DSCAM: variants seen among roughly 807,000 people sequenced by gnomAD.
The protein encoded by DSCAM is DS cell adhesion molecule.
In DSCAM, 47 loss-of-function variants were observed where a neutral mutation model predicts 217.7. The ratio of observed to expected loss-of-function variants is 0.22; its 90% CI spans 0.17 to 0.28. The LOEUF (loss-of-function observed/expected upper bound fraction) is 0.28. Ranked by LOEUF, DSCAM falls within the 10% of genes least tolerant of loss-of-function variation. DSCAM has a pLI of 1.00. For synonymous variants in DSCAM, 1,056 were observed against 1,015.3 expected (o/e 1.04, Z -0.76); for missense variants, 2,080 against 2,618.3 (o/e 0.79, Z 4.49).
chr21:40,095,484 G>A (rs748504681), intron 20 of DSCAM, among the ~76,000 whole-genome samples: 15 of 152,202 alleles, frequency 9.9e-5, no homozygotes, highest in Non-Finnish European at 1.9e-4. Context: ...CATTTAAAAT[G>A]TTCAGAATAG....
chr21:40,623,329 T>C (rs1329418105), intron 3 of DSCAM, among the ~76,000 whole-genome samples: 1 of 152,230 alleles, frequency 6.6e-6, no homozygotes, highest in Admixed American at 6.5e-5. Flanking sequence ...TTGTATGCTA[T>C]TTCCTGAGTG....
chr21:40,378,993 A>G (rs1370543125), intron 3 of DSCAM, among the ~76,000 whole-genome samples: 1 of 152,224 alleles, frequency 6.6e-6, no homozygotes, highest in East Asian at 1.9e-4. Flanking sequence ...AAAGACAGTA[A>G]GGTATATGTA....
intron 3 of DSCAM, among the ~76,000 whole-genome samples, chr21:40,452,526 A>G (rs942143153): frequency 3.9e-5 from 6 of 152,120 alleles, no homozygotes; most frequent in African/African-American, 1.4e-4. Flanking sequence ...TTACTCTAAT[A>G]ACTTATTAGC....
intron 4 of DSCAM, among the ~76,000 whole-genome samples, chr21:40,366,056 C>A (rs926270378): frequency 1.3e-5 from 2 of 152,142 alleles, no homozygotes. Flanking sequence ...TATTTTCTGG[C>A]TGTCTAAATG....
At position 40,257,379 on chromosome 21, in the gene DSCAM, G is replaced by GT. The variant is rs527576462; in HGVS notation, c.2356+18717dup. ...TTTATGTTTATTGTTGTATTTTTTT[G>GT]TTTTTTTTTCCCTGAATATTTTTTA... On this transcript the variant is annotated intron_variant, in intron 11 of 32. Transcript: ENST00000400454. Among the ~76,000 whole-genome samples, 701 of 148,018 alleles carry GT rather than the reference G, an allele frequency of 4.7e-3. 4 individuals are homozygous for GT. The highest frequency in any genetic ancestry group is 0.016 in the African/African-American group (645 of 40,178).
At chr21:40,096,889 C>T (rs1041530163) in intron 20 of DSCAM, among the ~76,000 whole-genome samples, 11 of 152,084 alleles carry the variant, frequency 7.2e-5, no homozygotes, top group Admixed American at 5.9e-4. Context: ...GGAATGATTT[C>T]TTTCAAGTAC....
chr21:40,628,810 C>T (rs555184685), intron 3 of DSCAM, among the ~76,000 whole-genome samples: 16 of 152,146 alleles, frequency 1.1e-4, no homozygotes, highest in Middle Eastern at 3.4e-3. Flanking sequence ...TGCAGTGGTG[C>T]GATCTCAGCT....
chr21:40,780,423 G>GTGTGTGTGTATATATATATATA (rs1007015659), intron 1 of DSCAM, among the ~76,000 whole-genome samples: 19 of 56,422 alleles, frequency 3.4e-4, no homozygotes, highest in African/African-American at 1.1e-3. Context: ...GTGTGTGTGT[G>GTGTGTGTGTATATATATATATA]TATATATATA....
intron 3 of DSCAM, among the ~76,000 whole-genome samples, chr21:40,375,803 T>C (rs1056572947): frequency 6.6e-6 from 1 of 152,210 alleles, no homozygotes; most frequent in African/African-American, 2.4e-5. Context: ...AAAACATCCT[T>C]TCCTAGGTCT....
intron 1 of DSCAM, among the ~76,000 whole-genome samples, chr21:40,730,206 T>A (rs754027460): frequency 7.9e-5 from 12 of 152,194 alleles, no homozygotes; most frequent in Non-Finnish European, 1.3e-4. Flanking sequence ...TTATTCCACA[T>A]TGGAAATTTG....
chr21:40,417,370 A>G (rs919217256), intron 3 of DSCAM, among the ~76,000 whole-genome samples: 1 of 152,214 alleles, frequency 6.6e-6, no homozygotes, highest in East Asian at 1.9e-4. Context: ...TTTGAGCAGA[A>G]ACCATTTTTC....
chr21:40,633,452 TC>T (rs923242805), intron 3 of DSCAM, among the ~76,000 whole-genome samples: 54 of 152,302 alleles, frequency 3.5e-4, no homozygotes, highest in African/African-American at 6.3e-4. Context: ...AAATTGCTGT[TC>T]TCAGTAAATA....
intron 3 of DSCAM, among the ~76,000 whole-genome samples, chr21:40,614,326 C>G (rs1429129836): frequency 1.3e-5 from 2 of 152,096 alleles, no homozygotes; most frequent in Non-Finnish European, 2.9e-5. Context: ...TTAAAACAAA[C>G]AAACAAAAAA....
intron 1 of DSCAM, among the ~76,000 whole-genome samples, chr21:40,757,871 T>C (rs894865590): frequency 7.2e-5 from 11 of 152,236 alleles, no homozygotes; most frequent in Non-Finnish European, 1.6e-4. Flanking sequence ...TCCATCACAG[T>C]GGACAGAATC....
intron 18 of DSCAM, among the ~76,000 whole-genome samples, chr21:40,140,468 A>T (rs942605420): frequency 3.3e-5 from 5 of 152,214 alleles, no homozygotes; most frequent in African/African-American, 4.8e-5. Flanking sequence ...GAGCTTAGAA[A>T]ATATGGGTGA....
At chr21:40,105,398 G>A (rs917232556) in intron 20 of DSCAM, among the ~76,000 whole-genome samples, 11 of 152,186 alleles carry the variant, frequency 7.2e-5, no homozygotes, top group African/African-American at 1.4e-4. Context: ...TGTGCCGTGG[G>A]AGGGACCCCG....
At chr21:40,301,831 T>C (rs934475204) in intron 9 of DSCAM, among the ~76,000 whole-genome samples, 1 of 152,144 alleles carries the variant, frequency 6.6e-6, no homozygotes, top group Non-Finnish European at 1.5e-5. Flanking sequence ...GCTAAGTTAA[T>C]AACGCAGATC....
chr21:40,481,355 T>G (rs2075980688), intron 3 of DSCAM, among the ~76,000 whole-genome samples: 1 of 151,684 alleles, frequency 6.6e-6, no homozygotes, highest in South Asian at 2.1e-4. Flanking sequence ...CCAGGCATGG[T>G]GGCGGGTGCC....
chr21:40,118,904 C>CGTCAT (rs1357017209), intron 20 of DSCAM, among the ~76,000 whole-genome samples: 1 of 152,124 alleles, frequency 6.6e-6, no homozygotes, highest in South Asian at 2.1e-4. Context: ...TTGGAGCGTA[C>CGTCAT]GTCATGGTCC....
Sources: allele counts gnomAD v4.1 joint callset (sites outside exome capture counted in the v4.1 genomes callset), GRCh38; gene constraint gnomAD v4.1.1; transcripts MANE v1.5; gene names NCBI Gene and HGNC (gene_info 2026-07-23, HGNC 2026-07-21).